The following KCNN2 variants were observed in gnomAD, a reference collection of about 807,000 sequenced individuals.
The protein encoded by KCNN2 is potassium calcium-activated channel subfamily N member 2.
Under a neutral mutation model 55.5 loss-of-function variants are expected in KCNN2, and 24 were observed. The observed-to-expected ratio is 0.43, with a 90% CI of 0.31 to 0.61. The LOEUF (loss-of-function observed/expected upper bound fraction) is 0.61, where lower values mean the gene tolerates loss of function less well. Ranked by LOEUF, KCNN2 falls within the 20% of genes least tolerant of loss-of-function variation. The pLI is 0.08. For missense variants in KCNN2, 754 were observed against 853.6 expected (o/e 0.88, Z 1.45); for synonymous variants, 431 against 336.1 (o/e 1.28, Z -3.09).
intron 2 of KCNN2, among the ~76,000 whole-genome samples, chr5:114,248,221 C>A (rs1754785331): frequency 6.6e-6 from 1 of 152,136 alleles, no homozygotes; most frequent in Non-Finnish European, 1.5e-5. Context: ...TTCAAATACG[C>A]ATTATTTCAG....
chr5:114,420,328 T>C lies in KCNN2; in HGVS notation c.1637+15472T>C, dbSNP rs539466663. ...TATGCAAAAAGCAGTAGCTCCAGGC[T>C]AGTTATTCCTAGGGCAGTTATAAGG... On this transcript the variant is annotated intron_variant, in intron 3 of 7. Coordinates refer to ENST00000673685, the MANE Select transcript of KCNN2 (RefSeq NM_021614.4). Among the ~76,000 whole-genome samples, 3 of 152,382 alleles carry C rather than the reference T, an allele frequency of 2.0e-5. No individual in the cohort carries two copies. The East Asian group carries it at 5.8e-4, about 29-fold the overall frequency.
chr5:114,136,843 A>G (rs1351722289), intron 1 of KCNN2, among the ~76,000 whole-genome samples: 1 of 152,186 alleles, frequency 6.6e-6, no homozygotes, highest in Non-Finnish European at 1.5e-5. Context: ...AGCTCTAGCA[A>G]GTGGCAGGCA....
chr5:114,295,672 C>T (rs574928031), intron 2 of KCNN2, among the ~76,000 whole-genome samples: 1 of 152,126 alleles, frequency 6.6e-6, no homozygotes, highest in South Asian at 2.1e-4. Flanking sequence ...AATGCCTCAC[C>T]CTGCTTCAGC....
chr5:114,087,635 T>C (rs1209523644), intron 1 of KCNN2, among the ~76,000 whole-genome samples: 8 of 152,112 alleles, frequency 5.3e-5, no homozygotes. Flanking sequence ...ATGGTTGTGT[T>C]TATATCTACC....
intron 2 of KCNN2, among the ~76,000 whole-genome samples, chr5:114,311,991 A>G (rs775831009): frequency 3.3e-5 from 5 of 152,120 alleles, no homozygotes; most frequent in Non-Finnish European, 7.4e-5. Context: ...GAAAATCCAA[A>G]CCTCACTATG....
intron 2 of KCNN2, among the ~76,000 whole-genome samples, chr5:114,298,383 C>G (rs1041653897): frequency 6.6e-6 from 1 of 152,228 alleles, no homozygotes; most frequent in Non-Finnish European, 1.5e-5. Context: ...CTGGTGAACC[C>G]TCCTGGCACC....
At chr5:114,361,963 GGTGAT>G (rs1757434866), upstream of KCNN2, 1 of 153,186 alleles carries the variant, frequency 6.5e-6, no homozygotes. Flanking sequence ...GGTCCCCGCA[GGTGAT>G]GTCATGCCCA....
intron 3 of KCNN2, among the ~76,000 whole-genome samples, chr5:114,458,099 T>C (rs1447934281): frequency 3.9e-5 from 6 of 152,190 alleles, no homozygotes; most frequent in African/African-American, 7.2e-5. Flanking sequence ...TTAAAAAAAA[T>C]GCATTGCTGT....
chr5:114,316,342 C>A (rs981908252), intron 2 of KCNN2, among the ~76,000 whole-genome samples: 6 of 152,070 alleles, frequency 3.9e-5, no homozygotes, highest in African/African-American at 1.4e-4. Context: ...CACTGGAGCC[C>A]CCTCCTGGCC....
chr5:114,411,829 C>A (rs780588677), intron 3 of KCNN2, among the ~76,000 whole-genome samples: 1 of 152,192 alleles, frequency 6.6e-6, no homozygotes, highest in Non-Finnish European at 1.5e-5. Context: ...CACAGACACT[C>A]AGAAATAATG....
Position 114,362,239 on chromosome 5 carries a change from C to A in KCNN2, c.100C>A (p.Gln34Lys). 5.8e-6 allele frequency: 1 copy of A among 170,986 alleles called. No individual in the cohort carries two copies. The highest frequency in any genetic ancestry group is 1.2e-5 in the Non-Finnish European group (1 of 80,900). The allele number at this position is 170,986 out of a possible 1,614,324, so 10.6% of individuals were successfully genotyped here. A position where few individuals can be genotyped will look rare whatever the true frequency, so the allele number is the denominator to read the frequency against. Residue 34 changes from glutamine (Q) to lysine (K), a missense_variant, in exon 1 of 8, where the codon CAG becomes AAG. This residue lies in a region of KCNN2 where 381 missense variants were observed against 259.1 expected (regional missense o/e 1.47). Coordinates refer to ENST00000673685, the MANE Select transcript of KCNN2 (RefSeq NM_021614.4). Reference protein sequence around the residue: ...HLHCQQQQQSQDKPCPPFAPL... With the variant: ...HLHCQQQQQSKDKPCPPFAPL... ...GCATTGCCAGCAGCAGCAACAGAGC[C>A]AGGACAAGCCGTGCCCGCCCTTCGC...
chr5:114,272,408 CAT>C, intron 2 of KCNN2, among the ~76,000 whole-genome samples: 1 of 16,914 alleles, frequency 5.9e-5, no homozygotes, highest in Non-Finnish European at 2.5e-4. Context: ...TATGTATGTA[CAT>C]ATCTACACAC....
At chr5:114,214,423 A>C (rs1211279809) in intron 1 of KCNN2, among the ~76,000 whole-genome samples, 1 of 152,090 alleles carries the variant, frequency 6.6e-6, no homozygotes, top group Admixed American at 6.6e-5. Context: ...CTGGTAATGA[A>C]GCTAAATTCT....
chr5:114,468,443 A>T (rs144419522), intron 4 of KCNN2, among the ~76,000 whole-genome samples: 109 of 151,896 alleles, frequency 7.2e-4, no homozygotes, highest in African/African-American at 2.5e-3. Context: ...TTGGAGGGCA[A>T]GCTGATTTGT....
At chr5:114,134,033 G>A (rs986485391) in intron 1 of KCNN2, among the ~76,000 whole-genome samples, 6 of 152,056 alleles carry the variant, frequency 3.9e-5, no homozygotes, top group African/African-American at 1.2e-4. Flanking sequence ...TTCATCAGGA[G>A]GTCTCTTCTC....
At chr5:114,206,269 T>C (rs1375135540) in intron 1 of KCNN2, among the ~76,000 whole-genome samples, 1 of 152,200 alleles carries the variant, frequency 6.6e-6, no homozygotes, top group Non-Finnish European at 1.5e-5. Flanking sequence ...ATACATTAAG[T>C]CCTACATAGT....
In KCNN2 at chr5:114,432,714, C is replaced by T. The variant is rs377757659; in HGVS notation, c.1637+27858C>T. On this transcript the variant is annotated intron_variant, in intron 3 of 7. Transcript: ENST00000673685. ...CGCGAGCGGGAACCGGGGCTGTGCG[C>T]GGCACTTGTGGGCCAGCTGGAGTTC... 5.9e-4 allele frequency among the ~76,000 whole-genome samples: 90 copies of T among 152,286 alleles called. No homozygotes were observed. The South Asian group carries it at 9.3e-3, about 16-fold the overall frequency.
intron 2 of KCNN2, among the ~76,000 whole-genome samples, chr5:114,382,864 A>G (rs1758168095): frequency 1.3e-5 from 2 of 152,218 alleles, no homozygotes; most frequent in Admixed American, 6.5e-5. Flanking sequence ...CTGTCTGCTC[A>G]TGTTCAGAAT....
chr5:114,151,548 G>GA (rs1301213598), intron 1 of KCNN2, among the ~76,000 whole-genome samples: 2,992 of 143,700 alleles, frequency 0.021, 78 homozygotes, highest in African/African-American at 0.065. Flanking sequence ...AGATGTCCCA[G>GA]AAAAAAAAAA....
Sources: gnomAD v4.1 joint callset for allele counts (sites outside exome capture counted in the v4.1 genomes callset) on GRCh38, gnomAD v4.1.1 for gene constraint, gnomAD v4.1.1 regional missense constraint, MANE v1.5 for transcripts, NCBI Gene and HGNC (gene_info 2026-07-23, HGNC 2026-07-21) for gene names.